Variants in PIK3C2G observed in about 807,000 individuals in gnomAD.
PIK3C2G encodes phosphatidylinositol-4-phosphate 3-kinase catalytic subunit type 2 gamma, also known as phosphatidylinositol 3-kinase C2 domain-containing subunit gamma.
A neutral mutation model predicts 181.1 loss-of-function variants in PIK3C2G; 168 were observed. That is an observed-to-expected ratio of 0.93 (90% confidence interval 0.82 to 1.05). The LOEUF is 1.05. Among genes scored for constraint, PIK3C2G ranks in the 50% least tolerant of loss-of-function variants. The pLI is 0.00. For synonymous variants in PIK3C2G, 573 were observed against 592.2 expected (o/e 0.97, Z 0.47); for missense variants, 1,869 against 1,732.8 (o/e 1.08, Z -1.40).
chr12:18,485,519 C>T (rs1399668485), intron 18 of PIK3C2G, among the ~76,000 whole-genome samples: 1 of 152,166 alleles, frequency 6.6e-6, no homozygotes, highest in Admixed American at 6.5e-5. Context: ...TCAAAATCTT[C>T]TTTAATCATC....
intron 1 of PIK3C2G, among the ~76,000 whole-genome samples, chr12:18,274,609 C>T (rs1192004439): frequency 6.6e-6 from 1 of 151,950 alleles, no homozygotes; most frequent in Non-Finnish European, 1.5e-5. Flanking sequence ...ACAATGAGAA[C>T]ACATGGACAC....
the PIK3C2G span, among the ~76,000 whole-genome samples, chr12:18,722,675 T>C: frequency 6.6e-6 from 1 of 152,048 alleles, no homozygotes; most frequent in Non-Finnish European, 1.5e-5. Flanking sequence ...GTGAAGTGTT[T>C]TTACCCATTG....
chr12:18,539,294 T>C lies in PIK3C2G; in HGVS notation c.3480+982T>C, dbSNP rs372176241. Among the ~76,000 whole-genome samples the C allele has an allele frequency of 4.6e-5, 7 of 152,062 alleles. No homozygotes were observed. In the South Asian group the frequency reaches 8.3e-4, roughly 18 times the overall value. The stretch of plus-strand genomic sequence containing the variant: ...TAGAGTTAATGAATAAATGACCTAG[T>C]AGTGAATTCTTTGCATGGCCCAGGC... On this transcript the variant is annotated intron_variant, in intron 25 of 32. Transcript: ENST00000538779.
At chr12:18,723,974 C>T in the PIK3C2G span, among the ~76,000 whole-genome samples, 1 of 151,990 alleles carries the variant, frequency 6.6e-6, no homozygotes, top group Non-Finnish European at 1.5e-5. Flanking sequence ...TTATGCAATA[C>T]CTTGAGGAAG....
chr12:18,393,822 C>A (rs956173607), intron 15 of PIK3C2G, among the ~76,000 whole-genome samples: 1 of 151,964 alleles, frequency 6.6e-6, no homozygotes, highest in African/African-American at 2.4e-5. Flanking sequence ...ACATGACTTG[C>A]GAAGGTAGAA....
At chr12:18,497,209 A>G (rs1463758355) in intron 21 of PIK3C2G, among the ~76,000 whole-genome samples, 2 of 152,202 alleles carry the variant, frequency 1.3e-5, no homozygotes, top group African/African-American at 4.8e-5. Flanking sequence ...CTAACTGCAT[A>G]TCGGTGCATA....
intron 12 of PIK3C2G, among the ~76,000 whole-genome samples, chr12:18,366,889 A>C (rs554344190): frequency 6.6e-6 from 1 of 152,160 alleles, no homozygotes; most frequent in Non-Finnish European, 1.5e-5. Flanking sequence ...GGCTTTAAAA[A>C]TTCATAGGTA....
At chr12:18,377,794 GCCTGGT>G (rs929975253) in intron 13 of PIK3C2G, among the ~76,000 whole-genome samples, 1 of 152,058 alleles carries the variant, frequency 6.6e-6, no homozygotes, top group African/African-American at 2.4e-5. Context: ...GTCCCCATTT[GCCTGGT>G]CTTATATATG....
chr12:18,647,911 T>C lies in PIK3C2G; in HGVS notation c.4344T>C (p.His1448=), dbSNP rs754805390. The C allele has an allele frequency of 6.3e-7, 1 of 1,590,432 alleles. No homozygotes were observed. The highest frequency in any genetic ancestry group is 2.3e-5 in the East Asian group (1 of 43,978). ...ATGAAGTCACAGAGCTCCAAGGACA[T>C]GTCTTAATGCTTATTGTGAAGAGTA... ...VYDEVTELQG[H]VLMLIVKSKT... Residue 1448 remains histidine, a synonymous_variant, in exon 33 of 33, where the codon CAT becomes CAC. Transcript: ENST00000538779.
At chr12:18,644,090 G>A (rs1481901026) in intron 32 of PIK3C2G, among the ~76,000 whole-genome samples, 2 of 152,088 alleles carry the variant, frequency 1.3e-5, no homozygotes, top group African/African-American at 4.8e-5. Flanking sequence ...AAGTGACAGA[G>A]TCTCCACCCT....
At chr12:18,362,649 T>C in intron 11 of PIK3C2G, 115 bp from the exon 12 acceptor site, 1 of 717,070 alleles carries the variant, frequency 1.4e-6, no homozygotes, top group Non-Finnish European at 2.1e-6. Context: ...GCATGCTTTA[T>C]GCAAGCAGTC....
intron 18 of PIK3C2G, among the ~76,000 whole-genome samples, chr12:18,445,211 G>A (rs1946959082): frequency 6.6e-6 from 1 of 151,870 alleles, no homozygotes. Flanking sequence ...TAATAAATAG[G>A]TGTTGTATAT....
rs193113798 is a variant in PIK3C2G at position 18,640,532 on chromosome 12, C to T, written c.4286C>T (p.Thr1429Met). 2.7e-5 allele frequency: 43 copies of T among 1,599,860 alleles called. No individual in the cohort carries two copies. Among genetic ancestry groups the T allele is most frequent in the African/African-American group, 8.0e-5 (6 of 74,848 alleles). The change falls in exon 32 of 33, where the codon ACG becomes ATG. Residue 1429 changes from threonine to methionine, a missense_variant. Thr to Met is a moderately conservative substitution (Grantham distance 81, BLOSUM62 -1). Transcript: ENST00000538779. ...AAAACAAAATCTGTTCCAAAATGTA[C>T]GGACCCCACTTACAATGAAATTGTA... ...RRKTKSVPKC[T>M]DPTYNEIVVY... is the part of the protein sequence containing the mutation.
intron 25 of PIK3C2G, among the ~76,000 whole-genome samples, chr12:18,542,468 T>C (rs1944209307): frequency 6.6e-6 from 1 of 151,914 alleles, no homozygotes; most frequent in Middle Eastern, 3.2e-3. Context: ...GGTAAACTTC[T>C]GTCACAGGGA....
At chr12:18,622,038 A>C (rs550448845) in intron 31 of PIK3C2G, among the ~76,000 whole-genome samples, 30 of 151,954 alleles carry the variant, frequency 2.0e-4, no homozygotes, top group Non-Finnish European at 3.8e-4. Context: ...AACATATATC[A>C]CCTCAAATAT....
At chr12:18,540,510 C>T (rs1203216179) in intron 25 of PIK3C2G, among the ~76,000 whole-genome samples, 1 of 151,908 alleles carries the variant, frequency 6.6e-6, no homozygotes, top group East Asian at 1.9e-4. Context: ...AACTTTTCTA[C>T]ATACCTTAAC....
the PIK3C2G span, among the ~76,000 whole-genome samples, chr12:18,681,637 A>G: frequency 6.6e-6 from 1 of 152,086 alleles, no homozygotes; most frequent in African/African-American, 2.4e-5. Context: ...GTTTCAAGAC[A>G]TCATAAGATT....
intron 31 of PIK3C2G, among the ~76,000 whole-genome samples, chr12:18,622,612 A>G (rs1213654253): frequency 1.3e-5 from 2 of 151,808 alleles, no homozygotes; most frequent in Non-Finnish European, 3.0e-5. Flanking sequence ...TCTTGTTTTT[A>G]GTTTCTGAGG....
At chr12:18,249,929 TA>T (rs57627325) in intron 1 of PIK3C2G, among the ~76,000 whole-genome samples, 95,754 of 150,002 alleles carry the variant, frequency 0.64, 30,562 homozygotes, top group East Asian at 0.72. Flanking sequence ...AGTTCCTTTT[TA>T]AAAAAAAAAA....
Sources: allele counts gnomAD v4.1 joint callset (sites outside exome capture counted in the v4.1 genomes callset), GRCh38; gene constraint gnomAD v4.1.1; transcripts MANE v1.5; gene names NCBI Gene and HGNC (gene_info 2026-07-23, HGNC 2026-07-21).